The following SNTG2 variants were observed in gnomAD, a reference collection of about 807,000 sequenced individuals.
SNTG2 encodes gamma-2-syntrophin.
Under a neutral mutation model 70.9 loss-of-function variants are expected in SNTG2, and 74 were observed. That is an observed-to-expected ratio of 1.04 (90% confidence interval 0.86 to 1.27). The LOEUF (loss-of-function observed/expected upper bound fraction) is 1.27, where lower values mean the gene tolerates loss of function less well. Among genes scored for constraint, SNTG2 ranks in the 50% most tolerant of loss-of-function variants. The probability of loss-of-function intolerance (pLI) is 0.00; values close to 1 mark genes in which losing one functional copy is unlikely to be tolerated. For missense variants in SNTG2, 717 were observed against 690.7 expected (o/e 1.04, Z -0.43); for synonymous variants, 278 against 273.8 (o/e 1.02, Z -0.15).
chr2:1,329,180 C>T (rs1386325558), intron 16 of SNTG2, among the ~76,000 whole-genome samples: 1 of 151,954 alleles, frequency 6.6e-6, no homozygotes, highest in African/African-American at 2.4e-5. Flanking sequence ...TTATTTAAAG[C>T]TGTTTGTCTT....
At chr2:975,346 A>G (rs1453104557) in intron 1 of SNTG2, among the ~76,000 whole-genome samples, 1 of 151,866 alleles carries the variant, frequency 6.6e-6, no homozygotes, top group Non-Finnish European at 1.5e-5. Flanking sequence ...CAAACACCAC[A>G]TGCTTGGACT....
At chr2:1,182,586 C>A (rs894005808) in intron 8 of SNTG2, among the ~76,000 whole-genome samples, 2 of 151,986 alleles carry the variant, frequency 1.3e-5, no homozygotes, top group African/African-American at 4.8e-5. Context: ...AGATTGCCTC[C>A]CAGGCAGAGA....
intron 1 of SNTG2, among the ~76,000 whole-genome samples, chr2:1,018,974 TTGA>T (rs1660003316): frequency 6.6e-6 from 1 of 152,138 alleles, no homozygotes; most frequent in South Asian, 2.1e-4. Context: ...GGTTTCCCAC[TTGA>T]TGAGAATACA....
At chr2:1,279,195 G>T (rs1040050333) in intron 14 of SNTG2, among the ~76,000 whole-genome samples, 1 of 152,020 alleles carries the variant, frequency 6.6e-6, no homozygotes, top group East Asian at 1.9e-4. Flanking sequence ...CTTAGCAACG[G>T]TCTCTTTGAT....
chr2:1,274,168 C>G (rs1215436567), intron 14 of SNTG2, among the ~76,000 whole-genome samples: 1 of 152,208 alleles, frequency 6.6e-6, no homozygotes, highest in Admixed American at 6.5e-5. Flanking sequence ...AACTGGAACT[C>G]TCATTCACTG....
intron 1 of SNTG2, among the ~76,000 whole-genome samples, chr2:1,077,683 C>G (rs1212627604): frequency 6.6e-6 from 1 of 152,118 alleles, no homozygotes; most frequent in East Asian, 1.9e-4. Context: ...ACACACATCC[C>G]CGCACACAAA....
At chr2:1,199,640 A>G (rs1673156059) in intron 8 of SNTG2, among the ~76,000 whole-genome samples, 1 of 152,060 alleles carries the variant, frequency 6.6e-6, no homozygotes, top group South Asian at 2.1e-4. Flanking sequence ...TTCACCAAAA[A>G]ACTCTTAATA....
chr2:1,287,969 G>GAGGCGGAGCACCTA (rs74164511), intron 14 of SNTG2, among the ~76,000 whole-genome samples: 2 of 152,038 alleles, frequency 1.3e-5, no homozygotes, highest in Non-Finnish European at 2.9e-5. Flanking sequence ...TGGAGCACCT[G>GAGGCGGAGCACCTA]GGGCGAGCCC....
At chr2:1,289,815 T>C (rs1320625331) in intron 14 of SNTG2, among the ~76,000 whole-genome samples, 1 of 152,164 alleles carries the variant, frequency 6.6e-6, no homozygotes, top group Non-Finnish European at 1.5e-5. Context: ...CAGCCCATGG[T>C]AGCCACTATT....
intron 7 of SNTG2, among the ~76,000 whole-genome samples, chr2:1,171,186 A>G (rs760359495): frequency 1.3e-5 from 2 of 152,222 alleles, no homozygotes; most frequent in Non-Finnish European, 1.5e-5. Flanking sequence ...TAGAAGAAAG[A>G]TATAACTATT....
chr2:1,272,293 G>A (rs2148191748), intron 14 of SNTG2, among the ~76,000 whole-genome samples: 1 of 141,958 alleles, frequency 7.0e-6, no homozygotes, highest in East Asian at 2.1e-4. Flanking sequence ...TTCTCATAAG[G>A]AGTGTGCCAC....
intron 9 of SNTG2, chr2:1,219,960 C>G (rs954462865): frequency 3.9e-5 from 6 of 152,196 alleles, no homozygotes; most frequent in African/African-American, 1.4e-4. Context: ...TACAGATAAG[C>G]AGATTTTGAA....
intron 2 of SNTG2, among the ~76,000 whole-genome samples, chr2:1,094,491 A>G (rs540529581): frequency 1.1e-4 from 7 of 65,938 alleles, no homozygotes; most frequent in Non-Finnish European, 1.4e-4. Flanking sequence ...GTGTCCTCAT[A>G]TGGTAGAGTT....
chr2:1,230,181 TTAA>T (rs1227849766), intron 9 of SNTG2, among the ~76,000 whole-genome samples: 1 of 152,236 alleles, frequency 6.6e-6, no homozygotes, highest in Non-Finnish European at 1.5e-5. Flanking sequence ...CAGCATTGTT[TTAA>T]TGATGAAGTT....
chr2:1,346,217 C>G (rs1346615553), intron 16 of SNTG2, among the ~76,000 whole-genome samples: 12 of 95,636 alleles, frequency 1.3e-4, no homozygotes, highest in African/African-American at 6.2e-4. Flanking sequence ...TGGACTGGCA[C>G]TTTTCCCCCT....
chr2:1,114,781 G>A (rs373422374), intron 4 of SNTG2, among the ~76,000 whole-genome samples: 5 of 152,020 alleles, frequency 3.3e-5, no homozygotes, highest in East Asian at 3.9e-4. Context: ...GAGAAGGATC[G>A]TGTGTACTAA....
At chr2:1,291,958 A>G (rs141854679) in intron 14 of SNTG2, among the ~76,000 whole-genome samples, 236 of 152,262 alleles carry the variant, frequency 1.5e-3, no homozygotes, top group African/African-American at 5.2e-3. Context: ...AAGTCTAACA[A>G]TCCATGAGCA....
At chr2:1,263,914 G>A (rs1558612399) in intron 13 of SNTG2, among the ~76,000 whole-genome samples, 1 of 152,192 alleles carries the variant, frequency 6.6e-6, no homozygotes, top group Non-Finnish European at 1.5e-5. Context: ...AAAACCTGGT[G>A]TTCTTCTATT....
intron 1 of SNTG2, among the ~76,000 whole-genome samples, chr2:987,024 G>A (rs1444728326): frequency 6.6e-6 from 1 of 152,238 alleles, no homozygotes; most frequent in Non-Finnish European, 1.5e-5. Flanking sequence ...TGTTGCTCAT[G>A]TCCTTAGCAT....
Sources: allele counts gnomAD v4.1 joint callset (sites outside exome capture counted in the v4.1 genomes callset), GRCh38; gene constraint gnomAD v4.1.1; transcripts MANE v1.5; gene names NCBI Gene and HGNC (gene_info 2026-07-23, HGNC 2026-07-21).